The following IRS1 variants were observed in gnomAD, a reference collection of about 807,000 sequenced individuals.
IRS1 encodes the protein insulin receptor substrate 1.
A neutral mutation model predicts 65.6 loss-of-function variants in IRS1; 34 were observed. That is an observed-to-expected ratio of 0.52 (90% confidence interval 0.39 to 0.69). The LOEUF (loss-of-function observed/expected upper bound fraction) is 0.69, where lower values mean the gene tolerates loss of function less well. IRS1 is among the 30% of genes least tolerant of loss of function. The pLI, the probability that IRS1 is intolerant of heterozygous loss-of-function variation, is 0.00. For missense variants in IRS1, 1,641 were observed against 1,720.2 expected (o/e 0.95, Z 0.81); for synonymous variants, 699 against 683.5 (o/e 1.02, Z -0.35).
intron 1 of IRS1, among the ~76,000 whole-genome samples, chr2:226,750,612 T>C (rs900295244): frequency 7.2e-5 from 11 of 152,218 alleles, no homozygotes; most frequent in African/African-American, 2.4e-4. Context: ...TTTAATATCA[T>C]GGGTATTAGA....
intron 1 of IRS1, among the ~76,000 whole-genome samples, chr2:226,775,255 G>A (rs1220589140): frequency 1.3e-5 from 2 of 152,204 alleles, no homozygotes; most frequent in Admixed American, 6.5e-5. Flanking sequence ...AAGACTAAAG[G>A]CAAAAGAAAC....
At chr2:226,782,186 T>TA (rs1428054585) in intron 1 of IRS1, among the ~76,000 whole-genome samples, 1 of 152,076 alleles carries the variant, frequency 6.6e-6, no homozygotes, top group East Asian at 1.9e-4. Flanking sequence ...ACAATATAAA[T>TA]ACCACCACGT....
At chr2:226,736,943 AC>A (rs1274031738) in intron 1 of IRS1, among the ~76,000 whole-genome samples, 2 of 150,786 alleles carry the variant, frequency 1.3e-5, no homozygotes, top group African/African-American at 4.9e-5. Flanking sequence ...TTTTTTTTTT[AC>A]TTTTTTTATT....
chr2:226,762,207 C>T (rs936229849), intron 1 of IRS1, among the ~76,000 whole-genome samples: 1 of 152,168 alleles, frequency 6.6e-6, no homozygotes, highest in Non-Finnish European at 1.5e-5. Context: ...TGCTCTATCA[C>T]TATTCAGGGG....
At chr2:226,789,648 G>T (rs532642569) in intron 1 of IRS1, among the ~76,000 whole-genome samples, 1 of 152,292 alleles carries the variant, frequency 6.6e-6, no homozygotes, top group East Asian at 1.9e-4. Context: ...TTTCCAACAG[G>T]ATGCATGTGT....
intron 1 of IRS1, among the ~76,000 whole-genome samples, chr2:226,757,057 A>G (rs1574646651): frequency 6.6e-6 from 1 of 152,192 alleles, no homozygotes; most frequent in South Asian, 2.1e-4. Context: ...GAGAGGCCTA[A>G]CTGCTTATGT....
At position 226,797,253 on chromosome 2, in the gene IRS1, G is replaced by T; in HGVS notation, c.1486C>A (p.Pro496Thr). 6.2e-7 allele frequency: 1 copy of T among 1,613,606 alleles called. No homozygotes were observed. The part of the protein sequence containing the change: ...SRGGNGHRCT[P>T]GTGLGTSPAL... ...GGACTCGTGCCCAAGCCTGTTCCTGGGGTGCAGCGGTGGCCATTGCCACCC... is the reference window on the plus strand; with the variant it reads ...GGACTCGTGCCCAAGCCTGTTCCTGTGGTGCAGCGGTGGCCATTGCCACCC... Residue 496 changes from proline (P) to threonine (T), a missense_variant, in exon 1 of 2, where the codon CCA (proline) becomes ACA (threonine). By Grantham distance (38) the Pro-to-Thr change is conservative. Around this residue, in one of 3 missense-constraint regions of IRS1, gnomAD observed 1,324 missense variants for 1,361.0 expected, o/e 0.97. Coordinates refer to ENST00000305123, the MANE Select transcript of IRS1 (RefSeq NM_005544.3). The surrounding 1 kb of genome is among the most constrained non-coding windows in gnomAD (Gnocchi z 8.1).
intron 1 of IRS1, among the ~76,000 whole-genome samples, chr2:226,748,390 C>T (rs10201995): frequency 7.2e-6 from 1 of 138,972 alleles, no homozygotes; most frequent in Non-Finnish European, 1.5e-5. Context: ...GATCTAGCCA[C>T]TGAACTCCAG....
chr2:226,769,657 C>T (rs1574652522), intron 1 of IRS1, among the ~76,000 whole-genome samples: 1 of 152,176 alleles, frequency 6.6e-6, no homozygotes, highest in East Asian at 1.9e-4. Context: ...AGTTGTTTAA[C>T]AAAGCTATTG....
rs1015950908 is a variant in IRS1 at position 226,794,062 on chromosome 2, G to T, written c.*21+927C>A. ...TCAATGCAAAACAAAACAAATTAAG[G>T]CATGTTCCTGACTTAGTATGCATTC... On this transcript the variant is annotated intron_variant, in intron 1 of 1. Transcript: ENST00000305123. The surrounding 1 kb of genome is among the most constrained non-coding windows in gnomAD (Gnocchi z 4.1). Among the ~76,000 whole-genome samples, 1 of 152,096 alleles carries T rather than the reference G, an allele frequency of 6.6e-6. No individual in the cohort carries two copies. Among genetic ancestry groups the T allele is most frequent in the African/African-American group, 2.4e-5 (1 of 41,394 alleles).
intron 1 of IRS1, among the ~76,000 whole-genome samples, chr2:226,745,268 A>G (rs1229708270): frequency 6.6e-6 from 1 of 152,248 alleles, no homozygotes; most frequent in Non-Finnish European, 1.5e-5. Flanking sequence ...CTTACAGTAA[A>G]GTAATAATGC....
chr2:226,743,206 C>G (rs1267606732), intron 1 of IRS1, among the ~76,000 whole-genome samples: 1 of 151,598 alleles, frequency 6.6e-6, no homozygotes, highest in Non-Finnish European at 1.5e-5. Flanking sequence ...CAAGTCAGAC[C>G]ACACGTACTC....
intron 1 of IRS1, among the ~76,000 whole-genome samples, chr2:226,791,255 G>C (rs879387365): frequency 6.6e-6 from 1 of 152,104 alleles, no homozygotes; most frequent in Non-Finnish European, 1.5e-5. Context: ...CAGGAATCGC[G>C]GGCCAACCCC....
rs181753764 is a variant in IRS1, at chr2:226,794,185, C to T, written c.*21+804G>A. Among the ~76,000 whole-genome samples, 68 of 152,254 alleles carry T rather than the reference C, an allele frequency of 4.5e-4. 1 individual carries two copies. Among genetic ancestry groups the T allele is most frequent in the African/African-American group, 1.6e-3 (65 of 41,546 alleles). ...CAAGAAGAGATAACTATAAGGCAGA[C>T]ATCCTAGGATGAACTCCCATAACTC... On this transcript the variant is annotated intron_variant, in intron 1 of 1. Coordinates refer to ENST00000305123, the MANE Select transcript of IRS1 (RefSeq NM_005544.3). The surrounding 1 kb of genome is among the most constrained non-coding windows in gnomAD (Gnocchi z 4.1).
At chr2:226,738,922 G>A (rs1455331188) in intron 1 of IRS1, among the ~76,000 whole-genome samples, 2 of 152,160 alleles carry the variant, frequency 1.3e-5, no homozygotes, top group Non-Finnish European at 2.9e-5. Context: ...TCTCCAGAAG[G>A]GGTGGGTAAA....
chr2:226,745,576 A>G (rs947914586), intron 1 of IRS1, among the ~76,000 whole-genome samples: 3 of 152,194 alleles, frequency 2.0e-5, no homozygotes, highest in East Asian at 1.9e-4. Flanking sequence ...CAAAATCCCA[A>G]ATGTTTTCGT....
At chr2:226,753,983 GCTGGGA>G (rs1257435838) in intron 1 of IRS1, among the ~76,000 whole-genome samples, 1 of 152,064 alleles carries the variant, frequency 6.6e-6, no homozygotes, top group African/African-American at 2.4e-5. Context: ...CTCCTGAGTA[GCTGGGA>G]CTACAAGCAC....
rs75828437 is a variant in IRS1 at position 226,742,441 on chromosome 2, G to C, written c.*22-6191C>G. Among the ~76,000 whole-genome samples the C allele has an allele frequency of 9.4e-3, 1,439 of 152,314 alleles. 17 individuals carry two copies. The highest frequency in any genetic ancestry group is 0.032 in the African/African-American group (1,313 of 41,562). ...TGGTTTTGTGGTCTCAAATGGCAAA[G>C]GGTAAGCCAACCAGCCAAGCCAGTG... On this transcript the variant is annotated intron_variant, in intron 1 of 1. Coordinates refer to ENST00000305123, the MANE Select transcript of IRS1 (RefSeq NM_005544.3).
intron 1 of IRS1, among the ~76,000 whole-genome samples, chr2:226,784,456 C>A (rs986594812): frequency 6.6e-6 from 1 of 151,526 alleles, no homozygotes; most frequent in Non-Finnish European, 1.5e-5. Context: ...GAGTTTCGCT[C>A]TTGTCTTTCA....
Sources: gnomAD v4.1 joint callset for allele counts (sites outside exome capture counted in the v4.1 genomes callset) on GRCh38, gnomAD v4.1.1 for gene constraint, gnomAD v4.1.1 regional missense constraint, Gnocchi (gnomAD v3.1) non-coding constraint, MANE v1.5 for transcripts, NCBI Gene and HGNC (gene_info 2026-07-23, HGNC 2026-07-21) for gene names.